GOLPH3L: variants seen among roughly 807,000 people sequenced by gnomAD.
GOLPH3L encodes the protein golgi phosphoprotein 3 like.
GOLPH3L carries 22 observed loss-of-function variants against 30.3 expected under a neutral mutation model. The observed-to-expected ratio is 0.73, with a 90% CI of 0.52 to 1.04. The LOEUF (loss-of-function observed/expected upper bound fraction) is 1.04. GOLPH3L is among the 50% of genes least tolerant of loss of function. The pLI is 0.00. For missense variants in GOLPH3L, 303 were observed against 345.8 expected, an observed-to-expected ratio of 0.88 and a Z score of 0.98; for synonymous variants, 120 against 128.2, an observed-to-expected ratio of 0.94 and a Z score of 0.43.
intron 4 of GOLPH3L, among the ~76,000 whole-genome samples, chr1:150,659,932 G>A (rs587758614): frequency 1.3e-5 from 2 of 152,178 alleles, no homozygotes; most frequent in South Asian, 4.1e-4. Context: ...TTACTTGGGA[G>A]GCTGAGGTGG....
intron 2 of GOLPH3L, among the ~76,000 whole-genome samples, chr1:150,666,788 ATTATT>A (rs1459482959): frequency 7.9e-5 from 12 of 151,796 alleles, no homozygotes; most frequent in Non-Finnish European, 1.6e-4. Flanking sequence ...TTATTTTGTG[ATTATT>A]TTATTTCTTT....
intron 2 of GOLPH3L, among the ~76,000 whole-genome samples, chr1:150,682,579 C>T (rs1356182492): frequency 7.4e-6 from 1 of 135,950 alleles, no homozygotes; most frequent in Non-Finnish European, 1.5e-5. Context: ...TCAGTGAGCC[C>T]TGATAGTGCC....
At chr1:150,677,528 C>T (rs1650840135) in intron 2 of GOLPH3L, among the ~76,000 whole-genome samples, 1 of 151,942 alleles carries the variant, frequency 6.6e-6, no homozygotes, top group Admixed American at 6.6e-5. Context: ...CGTGAGCCAC[C>T]ATGCCCAGCC....
In GOLPH3L at chr1:150,678,284, C is replaced by CAAAA. The variant is rs75131824; in HGVS notation, c.184-14525_184-14522dup. Among the ~76,000 whole-genome samples, 21 of 45,920 alleles carry CAAAA rather than the reference C, an allele frequency of 4.6e-4. 1 individual carries two copies. Among genetic ancestry groups the CAAAA allele is most frequent in the Middle Eastern group, 0.016 (1 of 64 alleles). 30.1% of individuals were successfully genotyped at this position (45,920 alleles called of 152,430 possible). A position where few individuals can be genotyped will look rare whatever the true frequency, so the allele number is the denominator to read the frequency against. ...GGGCAACAAGATCGAAACTCCGTCTCAAAAAAAAAAAAAAAAAAAAAAAGG... is the reference window on the plus strand; with the variant it reads ...GGGCAACAAGATCGAAACTCCGTCTCAAAAAAAAAAAAAAAAAAAAAAAAAAAGG... On this transcript the variant is annotated intron_variant, in intron 2 of 4. Coordinates refer to ENST00000271732, the MANE Select transcript of GOLPH3L (RefSeq NM_018178.6).
chr1:150,668,696 G>C (rs1650572394), intron 2 of GOLPH3L, among the ~76,000 whole-genome samples: 1 of 151,578 alleles, frequency 6.6e-6, no homozygotes, highest in Admixed American at 6.6e-5. Context: ...ACTCATATTT[G>C]TGACTCCTCT....
intron 2 of GOLPH3L, among the ~76,000 whole-genome samples, chr1:150,687,188 T>G (rs1019101612): frequency 6.6e-6 from 1 of 152,138 alleles, no homozygotes; most frequent in African/African-American, 2.4e-5. Flanking sequence ...TATAATAAAA[T>G]GCTTTAGGAT....
intron 4 of GOLPH3L, among the ~76,000 whole-genome samples, chr1:150,653,175 C>CAAAAAAAAAAAAAAAAA (rs757485843): frequency 7.9e-5 from 6 of 76,198 alleles, no homozygotes; most frequent in African/African-American, 1.4e-4. Context: ...GCCAAAAAAA[C>CAAAAAAAAAAAAAAAAA]AAAAAAAAAA....
chr1:150,676,833 T>C (rs909153659), intron 2 of GOLPH3L, among the ~76,000 whole-genome samples: 1 of 151,646 alleles, frequency 6.6e-6, no homozygotes, highest in African/African-American at 2.4e-5. Context: ...TAGTAGAGAC[T>C]GGGTTTCACC....
At chr1:150,655,956 CA>C (rs1650229679) in intron 4 of GOLPH3L, among the ~76,000 whole-genome samples, 2 of 152,184 alleles carry the variant, frequency 1.3e-5, no homozygotes, top group East Asian at 3.8e-4. Context: ...GAATGGTTTG[CA>C]TTTACAATTC....
At chr1:150,694,436 A>G in intron 2 of GOLPH3L, 1 of 430,300 alleles carries the variant, frequency 2.3e-6, no homozygotes, top group Non-Finnish European at 4.1e-6. Context: ...ATCTTCTAAA[A>G]TTTTGGAGTA....
intron 2 of GOLPH3L, among the ~76,000 whole-genome samples, chr1:150,683,862 T>C (rs1651023280): frequency 6.6e-6 from 1 of 152,114 alleles, no homozygotes; most frequent in Non-Finnish European, 1.5e-5. Flanking sequence ...TATGCAATTA[T>C]CTTCATAACC....
intron 4 of GOLPH3L, among the ~76,000 whole-genome samples, chr1:150,655,575 TG>T (rs1650220185): frequency 6.6e-6 from 1 of 152,216 alleles, no homozygotes; most frequent in Admixed American, 6.5e-5. Context: ...ATATCATTTT[TG>T]ATGGCAGCCA....
chr1:150,649,710 C>T (rs750927631), intron 4 of GOLPH3L, among the ~76,000 whole-genome samples: 32 of 152,254 alleles, frequency 2.1e-4, no homozygotes, highest in African/African-American at 7.7e-4. Flanking sequence ...CCAGACCACA[C>T]ATAGATCTAT....
At chr1:150,692,724 T>C (rs1410306732) in intron 2 of GOLPH3L, among the ~76,000 whole-genome samples, 2 of 152,236 alleles carry the variant, frequency 1.3e-5, no homozygotes, top group Admixed American at 6.5e-5. Flanking sequence ...CTCACCAATA[T>C]GTTAAGTACT....
At chr1:150,670,185 C>T (rs1471964928) in intron 2 of GOLPH3L, among the ~76,000 whole-genome samples, 2 of 151,874 alleles carry the variant, frequency 1.3e-5, no homozygotes, top group Non-Finnish European at 2.9e-5. Flanking sequence ...TTGCTTGAAC[C>T]CCAGAGGTGG....
intron 4 of GOLPH3L, among the ~76,000 whole-genome samples, chr1:150,659,637 A>G (rs1182533978): frequency 6.6e-6 from 1 of 151,898 alleles, no homozygotes; most frequent in Non-Finnish European, 1.5e-5. Flanking sequence ...CCCACTCCAC[A>G]CTATATTTCT....
chr1:150,664,151 A>G (rs1402038518), intron 2 of GOLPH3L, among the ~76,000 whole-genome samples: 1 of 151,426 alleles, frequency 6.6e-6, no homozygotes, highest in African/African-American at 2.4e-5. Context: ...GGTATGTGCC[A>G]CCATGCCTGG....
intron 2 of GOLPH3L, among the ~76,000 whole-genome samples, chr1:150,685,257 GT>G (rs1651053907): frequency 6.6e-6 from 1 of 152,092 alleles, no homozygotes; most frequent in Admixed American, 6.6e-5. Context: ...CCTAGTTAAT[GT>G]TTTTTATAGG....
At chr1:150,650,694 C>T in intron 4 of GOLPH3L, among the ~76,000 whole-genome samples, 1 of 152,178 alleles carries the variant, frequency 6.6e-6, no homozygotes, top group East Asian at 1.9e-4. Flanking sequence ...ACCATCCCCC[C>T]GTCTCCCACC....
Sources: allele counts gnomAD v4.1 joint callset (sites outside exome capture counted in the v4.1 genomes callset), GRCh38; gene constraint gnomAD v4.1.1; transcripts MANE v1.5; gene names NCBI Gene and HGNC (gene_info 2026-07-23, HGNC 2026-07-21).